The following RNF212B variants were observed in gnomAD, a reference collection of about 807,000 sequenced individuals.
RNF212B encodes E3 ubiquitin-protein ligase RNF212B.
RNF212B carries 52 observed loss-of-function variants against 55.5 expected under a neutral mutation model. That is an observed-to-expected ratio of 0.94 (90% CI 0.75 to 1.18). The LOEUF (loss-of-function observed/expected upper bound fraction) is 1.18, where lower values mean the gene tolerates loss of function less well. Ranked by LOEUF, RNF212B falls within the 50% of genes most tolerant of loss-of-function variation. The pLI is 0.00. For missense variants in RNF212B, 289 were observed against 350.4 expected (o/e 0.82, Z 1.40); for synonymous variants, 99 against 121.4 (o/e 0.82, Z 1.21).
chr14:23,210,612 C>T (rs1259607983), intron 2 of RNF212B, among the ~76,000 whole-genome samples: 1 of 151,456 alleles, frequency 6.6e-6, no homozygotes, highest in Non-Finnish European at 1.5e-5. Context: ...CCCGTCTCTA[C>T]TAAAAATGCA....
intron 4 of RNF212B, among the ~76,000 whole-genome samples, chr14:23,246,285 C>T (rs1038757129): frequency 6.6e-6 from 1 of 152,098 alleles, no homozygotes; most frequent in Admixed American, 6.6e-5. Flanking sequence ...TCTTATATGT[C>T]AGCTCCTAAC....
chr14:23,195,104 A>G (rs1878526943), intron 2 of RNF212B, among the ~76,000 whole-genome samples: 1 of 152,144 alleles, frequency 6.6e-6, no homozygotes, highest in Non-Finnish European at 1.5e-5. Flanking sequence ...ATGGAAATGA[A>G]ATAACTAGAA....
At chr14:23,244,301 T>A (rs778332157) in intron 3 of RNF212B, 21 bp from the exon 4 acceptor site, 2 of 1,420,128 alleles carry the variant, frequency 1.4e-6, no homozygotes, top group South Asian at 2.6e-5. Context: ...ATTCTCACAG[T>A]GTGTATTGCT....
intron 1 of RNF212B, among the ~76,000 whole-genome samples, chr14:23,187,133 T>C (rs1877675190): frequency 6.6e-6 from 1 of 152,214 alleles, no homozygotes; most frequent in African/African-American, 2.4e-5. Context: ...CTGTTTCAGC[T>C]GTTTTGCGTG....
At position 23,264,223 on chromosome 14, in the gene RNF212B, A is replaced by G; in HGVS notation, c.574A>G (p.Ser192Gly). The change falls in exon 10 of 15, where the codon AGC becomes GGC. Residue 192 changes from serine (S) to glycine (G), a missense_variant. Ser to Gly is a moderately conservative substitution (Grantham distance 56, BLOSUM62 0). Transcript: ENST00000430154. ...TCCTTATAGAGAGGCTGGCTTTGGTAGCTTGGGACAAGTAAGTAATGTTCA... is the reference window on the plus strand; with the variant it reads ...TCCTTATAGAGAGGCTGGCTTTGGTGGCTTGGGACAAGTAAGTAATGTTCA... ...SIPYREAGFG[S>G]LGQGGRGLQG... 6.5e-7 allele frequency: 1 copy of G among 1,549,052 alleles called. No individual in the cohort carries two copies. Among genetic ancestry groups the G allele is most frequent in the Non-Finnish European group, 8.7e-7 (1 of 1,145,612 alleles).
intron 11 of RNF212B, among the ~76,000 whole-genome samples, chr14:23,264,979 G>A (rs767145841): frequency 1.3e-5 from 2 of 151,926 alleles, no homozygotes; most frequent in African/African-American, 2.4e-5. Flanking sequence ...GTGCCACCAC[G>A]CCTGGCTAAT....
chr14:23,192,592 G>A (rs1007717950), intron 1 of RNF212B, among the ~76,000 whole-genome samples: 6 of 151,232 alleles, frequency 4.0e-5, no homozygotes, highest in African/African-American at 7.3e-5. Flanking sequence ...TGTGAATGAC[G>A]AGTTAATGGG....
chr14:23,216,589 G>A (rs945521806), intron 2 of RNF212B, among the ~76,000 whole-genome samples: 1 of 150,238 alleles, frequency 6.7e-6, no homozygotes, highest in African/African-American at 2.5e-5. Context: ...AAAATAATAA[G>A]GCCAATCTGG....
chr14:23,186,055 G>A (rs1009860620), intron 1 of RNF212B, among the ~76,000 whole-genome samples: 8 of 152,066 alleles, frequency 5.3e-5, no homozygotes, highest in Admixed American at 3.9e-4. Flanking sequence ...AGCCAAGATC[G>A]CACCACTGCA....
intron 11 of RNF212B, 22 bp from the exon 12 acceptor site, chr14:23,268,902 G>T (rs898376261): frequency 2.6e-6 from 4 of 1,546,794 alleles, no homozygotes; most frequent in Non-Finnish European, 3.5e-6. Context: ...TTATCTCACA[G>T]GCTTATTTTT....
At chr14:23,261,194 C>T in intron 7 of RNF212B, 1 of 313,474 alleles carries the variant, frequency 3.2e-6, no homozygotes, top group South Asian at 2.7e-5. Context: ...GAGGAAGTAA[C>T]TTGTGGAATG....
Position 23,257,986 on chromosome 14 carries a change from C to T in RNF212B, c.229-563C>T, listed in dbSNP as rs548472838. On this transcript the variant is annotated intron_variant, in intron 4 of 14. Coordinates refer to ENST00000430154, the MANE Select transcript of RNF212B (RefSeq NM_001282322.3). ...TTTAAAAAAAATCTCTCTTCTTGCA[C>T]GGGATGAAAAATTATATATTTAAAG... Among the ~76,000 whole-genome samples, 227 of 152,164 alleles carry T rather than the reference C, an allele frequency of 1.5e-3. 2 individuals carry two copies. In the South Asian group the frequency reaches 0.017, roughly 12 times the overall value.
rs118171536 is a variant in RNF212B, at chr14:23,222,026, A to C, written c.-1-18319A>C. 1.8e-3 allele frequency among the ~76,000 whole-genome samples: 281 copies of C among 152,294 alleles called. 6 individuals are homozygous for C. In the East Asian group the frequency reaches 0.023, roughly 13 times the overall value. ...GAAATGTATAGCTATAAGTGTCTAC[A>C]TCAAAAAGGAAGAAGAACTTCAAAC... On this transcript the variant is annotated intron_variant, in intron 2 of 15. Transcript: ENST00000399910.
chr14:23,261,391 T>C (rs897617513), intron 7 of RNF212B: 17 of 152,370 alleles, frequency 1.1e-4, no homozygotes, highest in African/African-American at 4.1e-4. Context: ...GGTCTTTAAA[T>C]AAATTTTGCT....
intron 11 of RNF212B, among the ~76,000 whole-genome samples, chr14:23,266,362 T>G (rs186700064): frequency 5.1e-4 from 78 of 151,992 alleles, no homozygotes; most frequent in Middle Eastern, 6.8e-3. Flanking sequence ...AATTTCCTAC[T>G]GTTATTGATT....
intron 2 of RNF212B, among the ~76,000 whole-genome samples, chr14:23,226,406 G>A (rs955466395): frequency 2.0e-5 from 3 of 151,156 alleles, no homozygotes; most frequent in Non-Finnish European, 3.0e-5. Flanking sequence ...TGTGGCGGGC[G>A]GATCACCAGG....
intron 2 of RNF212B, among the ~76,000 whole-genome samples, chr14:23,208,247 T>C (rs1221507788): frequency 1.3e-5 from 2 of 152,148 alleles, no homozygotes; most frequent in Non-Finnish European, 2.9e-5. Flanking sequence ...GTCAGCCGGA[T>C]GTGGTGGCTC....
chr14:23,210,106 G>A (rs1332169882), intron 2 of RNF212B, among the ~76,000 whole-genome samples: 1 of 152,106 alleles, frequency 6.6e-6, no homozygotes. Context: ...AGCCAAGATT[G>A]CACCACTGCA....
At chr14:23,271,519 G>A (rs545267072) in intron 14 of RNF212B, among the ~76,000 whole-genome samples, 1 of 151,698 alleles carries the variant, frequency 6.6e-6, no homozygotes, top group South Asian at 2.1e-4. Context: ...TAATGGCTTG[G>A]GTTTTGAGCA....
Sources: allele counts gnomAD v4.1 joint callset (sites outside exome capture counted in the v4.1 genomes callset), GRCh38; gene constraint gnomAD v4.1.1; transcripts MANE v1.5; gene names NCBI Gene and HGNC (gene_info 2026-07-23, HGNC 2026-07-21).